The following PTPRK variants were observed in gnomAD, a reference collection of about 807,000 sequenced individuals.
PTPRK encodes the protein receptor-type tyrosine-protein phosphatase kappa.
Under a neutral mutation model 178.0 loss-of-function variants are expected in PTPRK, and 75 were observed. The ratio of observed to expected loss-of-function variants is 0.42; its 90% confidence interval spans 0.35 to 0.51. The LOEUF (loss-of-function observed/expected upper bound fraction) is 0.51. PTPRK is among the 20% of genes least tolerant of loss of function. The pLI is 0.02. For synonymous variants in PTPRK, 637 were observed against 620.6 expected, an observed-to-expected ratio of 1.03 and a Z score of -0.39; for missense variants, 1,441 against 1,797.8, an observed-to-expected ratio of 0.80 and a Z score of 3.59.
chr6:128,506,818 G>C (rs1856436768), intron 1 of PTPRK, among the ~76,000 whole-genome samples: 1 of 151,776 alleles, frequency 6.6e-6, no homozygotes, highest in African/African-American at 2.4e-5. Context: ...TTTACTTCAG[G>C]CATCCTATTA....
chr6:128,318,491 G>A lies in PTPRK; in HGVS notation c.495+3548C>T, dbSNP rs149539289. On this transcript the variant is annotated intron_variant, in intron 3 of 29. Coordinates refer to ENST00000368226, the MANE Select transcript of PTPRK (RefSeq NM_002844.4). Reference sequence around the variant, plus strand: ...GCAAAAGTTGTGTTTGTTTCTCCATGTATTGGGGGAGAAAAAGGCACTTTC... The same window carrying A: ...GCAAAAGTTGTGTTTGTTTCTCCATATATTGGGGGAGAAAAAGGCACTTTC... Among the ~76,000 whole-genome samples the A allele has an allele frequency of 9.2e-4, 140 of 152,152 alleles. 2 individuals are homozygous for A. The highest frequency in any genetic ancestry group is 3.1e-3 in the African/African-American group (130 of 41,498).
chr6:128,384,921 T>C (rs1036261351), intron 2 of PTPRK, among the ~76,000 whole-genome samples: 8 of 151,772 alleles, frequency 5.3e-5, no homozygotes, highest in East Asian at 3.9e-4. Flanking sequence ...TGAGGAATGA[T>C]TGGGTATCTC....
At chr6:128,057,732 T>C (rs1400047657) in intron 13 of PTPRK, among the ~76,000 whole-genome samples, 1 of 152,170 alleles carries the variant, frequency 6.6e-6, no homozygotes, top group Non-Finnish European at 1.5e-5. Flanking sequence ...GTCGTAGCCA[T>C]GAGAACAGGA....
intron 7 of PTPRK, among the ~76,000 whole-genome samples, chr6:128,120,766 C>T (rs1196826482): frequency 4.0e-5 from 6 of 151,774 alleles, no homozygotes; most frequent in Non-Finnish European, 5.9e-5. Context: ...GGAAGTATTT[C>T]AACATGTACT....
chr6:128,090,950 A>G (rs916637826), intron 7 of PTPRK, among the ~76,000 whole-genome samples: 26 of 152,200 alleles, frequency 1.7e-4, no homozygotes, highest in African/African-American at 6.0e-4. Context: ...CTAAATGGAA[A>G]TCAGTAGGGA....
intron 13 of PTPRK, among the ~76,000 whole-genome samples, chr6:128,016,512 C>T (rs892591534): frequency 7.2e-5 from 11 of 151,994 alleles, no homozygotes; most frequent in African/African-American, 2.4e-4. Context: ...GTTTTTGTCA[C>T]TTTCTCCAAC....
intron 2 of PTPRK, among the ~76,000 whole-genome samples, chr6:128,339,092 G>A (rs1055521887): frequency 1.3e-5 from 2 of 152,084 alleles, no homozygotes; most frequent in Non-Finnish European, 2.9e-5. Flanking sequence ...TCAAAATAAT[G>A]CTGCTCTGTA....
chr6:128,409,628 T>A (rs1055116296), intron 1 of PTPRK, among the ~76,000 whole-genome samples: 2 of 152,190 alleles, frequency 1.3e-5, no homozygotes, highest in East Asian at 3.8e-4. Flanking sequence ...ACTTGTAAAG[T>A]TACATGTTGA....
chr6:128,252,772 C>A (rs911017449), intron 3 of PTPRK, among the ~76,000 whole-genome samples: 2 of 152,156 alleles, frequency 1.3e-5, no homozygotes, highest in Non-Finnish European at 2.9e-5. Context: ...CCAGTTCCGA[C>A]CTCATGAGGC....
At chr6:128,336,566 T>G (rs1036359808) in intron 2 of PTPRK, among the ~76,000 whole-genome samples, 2 of 152,156 alleles carry the variant, frequency 1.3e-5, no homozygotes, top group Non-Finnish European at 1.5e-5. Context: ...TGTGATATAC[T>G]TTCAGGCTTT....
intron 13 of PTPRK, among the ~76,000 whole-genome samples, chr6:128,054,309 C>T (rs1779542016): frequency 6.6e-6 from 1 of 152,102 alleles, no homozygotes; most frequent in Non-Finnish European, 1.5e-5. Context: ...ATGTTACTTC[C>T]TCCATAAAAT....
intron 13 of PTPRK, among the ~76,000 whole-genome samples, chr6:128,050,886 T>G (rs1361456083): frequency 6.6e-6 from 1 of 152,214 alleles, no homozygotes; most frequent in African/African-American, 2.4e-5. Flanking sequence ...TGAAAAATTT[T>G]CAAAATGATG....
chr6:128,396,871 G>A (rs886637374), intron 2 of PTPRK, among the ~76,000 whole-genome samples: 15 of 151,996 alleles, frequency 9.9e-5, no homozygotes, highest in Admixed American at 2.0e-4. Flanking sequence ...GGCAGTGCAC[G>A]CCTGTAGTCC....
At chr6:128,237,655 C>CTG (rs1441892138) in intron 5 of PTPRK, among the ~76,000 whole-genome samples, 2 of 152,114 alleles carry the variant, frequency 1.3e-5, no homozygotes, top group East Asian at 3.9e-4. Flanking sequence ...TCTAAGGCCA[C>CTG]TGCAATTAAC....
At chr6:128,450,182 T>C (rs1055764531) in intron 1 of PTPRK, among the ~76,000 whole-genome samples, 2 of 151,894 alleles carry the variant, frequency 1.3e-5, no homozygotes, top group Non-Finnish European at 2.9e-5. Flanking sequence ...ATGATATTAA[T>C]ACTTTGACAG....
At chr6:127,979,017 A>C (rs1774938007) in intron 25 of PTPRK, among the ~76,000 whole-genome samples, 1 of 152,232 alleles carries the variant, frequency 6.6e-6, no homozygotes, top group Non-Finnish European at 1.5e-5. Context: ...CAGGGGATTA[A>C]GCAGACAGTA....
In PTPRK at chr6:128,250,540, T is replaced by C. The variant is rs572449466; in HGVS notation, c.496-7938A>G. On this transcript the variant is annotated intron_variant, in intron 3 of 29. Coordinates refer to ENST00000368226, the MANE Select transcript of PTPRK (RefSeq NM_002844.4). Reference sequence around the variant, plus strand: ...AACTGTTTTACCTAAAAGGGAAATATGAGAATAGACATTTAGCTCATTTTT... The same window carrying C: ...AACTGTTTTACCTAAAAGGGAAATACGAGAATAGACATTTAGCTCATTTTT... Among the ~76,000 whole-genome samples, 4 of 152,322 alleles carry C rather than the reference T, an allele frequency of 2.6e-5. No homozygotes were observed. The East Asian group carries it at 7.7e-4, about 29-fold the overall frequency.
chr6:128,159,697 G>A (rs1052080781), intron 7 of PTPRK, among the ~76,000 whole-genome samples: 5 of 151,764 alleles, frequency 3.3e-5, no homozygotes, highest in East Asian at 3.9e-4. Context: ...ACAGATGGAC[G>A]TAAACTTGTA....
chr6:128,144,822 T>C (rs887300808), intron 7 of PTPRK, among the ~76,000 whole-genome samples: 2 of 152,160 alleles, frequency 1.3e-5, no homozygotes, highest in African/African-American at 4.8e-5. Context: ...ATAACTAGAA[T>C]GTTATCATCA....
Sources: gnomAD v4.1 joint callset for allele counts (sites outside exome capture counted in the v4.1 genomes callset) on GRCh38, gnomAD v4.1.1 for gene constraint, MANE v1.5 for transcripts, NCBI Gene and HGNC (gene_info 2026-07-23, HGNC 2026-07-21) for gene names.